RNF24: variants seen among roughly 807,000 people sequenced by gnomAD.
The protein encoded by RNF24 is ring finger protein 24.
A neutral mutation model predicts 20.0 loss-of-function variants in RNF24; 14 were observed. The ratio of observed to expected loss-of-function variants is 0.70; its 90% CI spans 0.46 to 1.10. The LOEUF (loss-of-function observed/expected upper bound fraction) is 1.10. RNF24 is among the 50% of genes least tolerant of loss of function. RNF24 has a pLI of 0.00. For missense variants in RNF24, 124 were observed against 177.6 expected (o/e 0.70, Z 1.71); for synonymous variants, 45 against 61.1 (o/e 0.74, Z 1.23).
rs2090793347 is a variant in RNF24, at chr20:3,929,757, A to G, written c.*4306T>C. 1.3e-5 allele frequency: 2 copies of G among 152,224 alleles called. No homozygotes were observed. The highest frequency in any genetic ancestry group is 4.8e-5 in the African/African-American group (2 of 41,474). The allele number at this position is 152,224 out of a possible 1,614,324, so 9.4% of individuals were successfully genotyped here. A position where few individuals can be genotyped will look rare whatever the true frequency, so the allele number is the denominator to read the frequency against. On this transcript the variant is annotated 3_prime_UTR_variant, in exon 6 of 6. Transcript: ENST00000358395. The stretch of plus-strand genomic sequence containing the variant: ...AGCATCCTGTCGCAGATAGAAAGTC[A>G]ATCAGAAAAATCTGGTTGTGCTCTT...
chr20:3,987,223 T>C (rs1980009056), intron 1 of RNF24, among the ~76,000 whole-genome samples: 1 of 152,138 alleles, frequency 6.6e-6, no homozygotes, highest in African/African-American at 2.4e-5. Flanking sequence ...GAGGATGAAA[T>C]AGAAGACAAG....
At chr20:3,946,841 G>A (rs2091024654) in intron 3 of RNF24, among the ~76,000 whole-genome samples, 1 of 152,134 alleles carries the variant, frequency 6.6e-6, no homozygotes, top group African/African-American at 2.4e-5. Flanking sequence ...TGTCCATCTA[G>A]GGAATGTGCC....
At chr20:3,964,548 G>T (rs1419174983) in intron 1 of RNF24, among the ~76,000 whole-genome samples, 1 of 151,808 alleles carries the variant, frequency 6.6e-6, no homozygotes, top group Non-Finnish European at 1.5e-5. Flanking sequence ...TTGAGACAGG[G>T]TCTCATTCTG....
chr20:3,956,172 T>C (rs913648914), intron 2 of RNF24, among the ~76,000 whole-genome samples: 4 of 152,042 alleles, frequency 2.6e-5, no homozygotes, highest in Admixed American at 6.5e-5. Context: ...TGCTGAACAG[T>C]AGTGGTAAAG....
At position 3,932,682 on chromosome 20, in the gene RNF24, T is replaced by C; in HGVS notation, c.*1381A>G. The stretch of plus-strand genomic sequence containing the variant: ...ACTTCCCCCACTCACACCTGTGGGA[T>C]GGAGTGGAGCAAAGCAGTTGACGAG... On this transcript the variant is annotated 3_prime_UTR_variant, in exon 6 of 6. Coordinates refer to ENST00000358395, the MANE Select transcript of RNF24 (RefSeq NM_001134337.3). 1 of 376,856 alleles carries C rather than the reference T, an allele frequency of 2.7e-6. No homozygotes were observed. The highest frequency in any genetic ancestry group is 4.7e-6 in the Non-Finnish European group (1 of 213,024). 23.3% of individuals were successfully genotyped at this position (376,856 alleles called of 1,614,324 possible).
intron 2 of RNF24, among the ~76,000 whole-genome samples, chr20:3,962,071 A>G (rs985701526): frequency 2.6e-5 from 4 of 152,196 alleles, no homozygotes; most frequent in African/African-American, 9.6e-5. Flanking sequence ...CTCATTGTCT[A>G]GCCAGATGTG....
At chr20:4,010,149 C>A (rs949361147) in intron 1 of RNF24, among the ~76,000 whole-genome samples, 1 of 151,950 alleles carries the variant, frequency 6.6e-6, no homozygotes, top group African/African-American at 2.4e-5. Context: ...CTGAGGTAGG[C>A]AGATCACGAG....
At chr20:3,938,907 C>T (rs1468684940) in intron 4 of RNF24, among the ~76,000 whole-genome samples, 1 of 152,000 alleles carries the variant, frequency 6.6e-6, no homozygotes, top group Non-Finnish European at 1.5e-5. Flanking sequence ...CATCACGACA[C>T]CCAACTAATT....
At chr20:3,948,370 A>T in intron 2 of RNF24, 91 bp from the exon 3 acceptor site, 1 of 842,624 alleles carries the variant, frequency 1.2e-6, no homozygotes, top group Non-Finnish European at 1.9e-6. Context: ...GTATTAATTT[A>T]TAACATTTAT....
chr20:3,939,863 T>C (rs1368144740), intron 4 of RNF24, among the ~76,000 whole-genome samples: 1 of 152,228 alleles, frequency 6.6e-6, no homozygotes, highest in African/African-American at 2.4e-5. Context: ...GGTTTTATTA[T>C]CTTTTCAACG....
intron 1 of RNF24, among the ~76,000 whole-genome samples, chr20:4,013,407 C>T (rs1482052304): frequency 6.6e-6 from 1 of 152,146 alleles, no homozygotes; most frequent in Non-Finnish European, 1.5e-5. Context: ...AGAACCCATA[C>T]AATTATTCAT....
intron 1 of RNF24, among the ~76,000 whole-genome samples, chr20:4,010,046 GTCAC>G (rs1440585305): frequency 2.5e-5 from 2 of 81,378 alleles, no homozygotes; most frequent in Non-Finnish European, 4.9e-5. Context: ...GTGAGACCCT[GTCAC>G]AAACAAACAA....
At chr20:3,942,270 G>A (rs1407503301) in intron 4 of RNF24, among the ~76,000 whole-genome samples, 2 of 150,312 alleles carry the variant, frequency 1.3e-5, no homozygotes, top group Non-Finnish European at 3.0e-5. Flanking sequence ...CTGGGCTCAA[G>A]CAATCCTCCC....
chr20:4,000,452 G>C (rs978788074), intron 1 of RNF24, among the ~76,000 whole-genome samples: 3 of 152,162 alleles, frequency 2.0e-5, no homozygotes, highest in African/African-American at 4.8e-5. Context: ...TTGAACCTGG[G>C]AGGTGGAGGC....
chr20:3,963,349 C>T (rs1052341644), intron 2 of RNF24, among the ~76,000 whole-genome samples: 1 of 152,138 alleles, frequency 6.6e-6, no homozygotes. Context: ...TGAGCCACCA[C>T]GCCCAGCTAA....
At chr20:3,937,996 A>ATCAAGGAG (rs2090912435) in intron 4 of RNF24, among the ~76,000 whole-genome samples, 1 of 152,180 alleles carries the variant, frequency 6.6e-6, no homozygotes, top group South Asian at 2.1e-4. Flanking sequence ...GCTGGGTCAT[A>ATCAAGGAG]TGGTAACTCT....
intron 1 of RNF24, among the ~76,000 whole-genome samples, chr20:3,988,836 A>AAG (rs1476243652): frequency 6.6e-6 from 1 of 152,182 alleles, no homozygotes; most frequent in Admixed American, 6.5e-5. Context: ...TTAATCCTTC[A>AAG]AGAAAACCAA....
At position 3,941,042 on chromosome 20, in the gene RNF24, G is replaced by A. The variant is rs1254507071; in HGVS notation, c.228+4135C>T. ...TCCGTGAAGGTTTTCTTATTTTTTT[G>A]AGACCAGGCCTCACTCTGTCACCTA... On this transcript the variant is annotated intron_variant, in intron 4 of 5. Transcript: ENST00000358395. Among the ~76,000 whole-genome samples the A allele has an allele frequency of 2.0e-5, 3 of 152,032 alleles. No individual in the cohort carries two copies. The East Asian group carries it at 5.8e-4, about 29-fold the overall frequency.
rs866504576 is a variant in RNF24, at chr20:3,998,612, C to T, written c.-8+16825G>A. Among the ~76,000 whole-genome samples the T allele has an allele frequency of 6.8e-5, 9 of 132,436 alleles. No homozygotes were observed. In the South Asian group the frequency reaches 9.8e-4, roughly 14 times the overall value. The allele number at this position is 132,436 out of a possible 152,430, so 86.9% of individuals were successfully genotyped here. ...AAAAAAAAAAAAAAAAAAAATTAGC[C>T]GGGCGTGGTGGCGTGTGCCTGTAAT... On this transcript the variant is annotated intron_variant, in intron 1 of 5. Transcript: ENST00000358395.
Sources: allele counts gnomAD v4.1 joint callset (sites outside exome capture counted in the v4.1 genomes callset), GRCh38; gene constraint gnomAD v4.1.1; transcripts MANE v1.5; gene names NCBI Gene and HGNC (gene_info 2026-07-23, HGNC 2026-07-21).